CSMD1: variants seen among roughly 807,000 people sequenced by gnomAD.
CSMD1 encodes the protein CUB and Sushi multiple domains 1.
In CSMD1, 213 loss-of-function variants were observed where a neutral mutation model predicts 417.5. That is an observed-to-expected ratio of 0.51 (90% CI 0.46 to 0.57). CSMD1 has a LOEUF of 0.57. CSMD1 is among the 20% of genes least tolerant of loss of function. The pLI is 0.00. For synonymous variants in CSMD1, 2,862 were observed against 1,736.8 expected (o/e 1.65, Z -16.11); for missense variants, 6,923 against 4,529.7 (o/e 1.53, Z -15.17).
At chr8:4,495,270 G>C (rs1045833626) in intron 2 of CSMD1, among the ~76,000 whole-genome samples, 1 of 152,158 alleles carries the variant, frequency 6.6e-6, no homozygotes, top group Non-Finnish European at 1.5e-5. Context: ...TCATAAAAAT[G>C]TGACTAATAC....
At chr8:3,344,315 C>G (rs1338252125) in intron 22 of CSMD1, among the ~76,000 whole-genome samples, 1 of 152,160 alleles carries the variant, frequency 6.6e-6, no homozygotes, top group Non-Finnish European at 1.5e-5. Flanking sequence ...ACAGCACTGA[C>G]TTTCTAGTAG....
At chr8:4,353,374 C>G (rs1801210890) in intron 3 of CSMD1, among the ~76,000 whole-genome samples, 1 of 152,120 alleles carries the variant, frequency 6.6e-6, no homozygotes, top group African/African-American at 2.4e-5. Context: ...ATTGTGAGGC[C>G]TCCCCAGCCG....
At chr8:4,551,382 TCTC>T (rs1730360522) in intron 2 of CSMD1, among the ~76,000 whole-genome samples, 1 of 152,102 alleles carries the variant, frequency 6.6e-6, no homozygotes, top group Non-Finnish European at 1.5e-5. Context: ...TACCCTTAAT[TCTC>T]CTCCCCACCA....
chr8:4,044,038 C>T (rs1039772916), intron 3 of CSMD1, among the ~76,000 whole-genome samples: 1 of 151,874 alleles, frequency 6.6e-6, no homozygotes, highest in South Asian at 2.1e-4. Context: ...AAAAAAAACG[C>T]TGAATAATTA....
intron 7 of CSMD1, among the ~76,000 whole-genome samples, chr8:3,636,952 G>A (rs566264596): frequency 2.6e-5 from 4 of 152,164 alleles, no homozygotes; most frequent in Middle Eastern, 3.4e-3. Flanking sequence ...TTGAGATGAT[G>A]GATTGCTATA....
At position 4,041,088 on chromosome 8, in the gene CSMD1, C is replaced by T. The variant is rs892760383; in HGVS notation, c.416-8989G>A. On this transcript the variant is annotated intron_variant, in intron 3 of 69. Coordinates refer to ENST00000635120, the MANE Select transcript of CSMD1 (RefSeq NM_033225.6). ...CTGGAGTGCAGTGGCGCGATCTCGG[C>T]TCACTGCAAGCTCCGCCTCCCGGGT... is the stretch of plus-strand genomic sequence containing the variant. Among the ~76,000 whole-genome samples the T allele has an allele frequency of 2.8e-5, 4 of 141,820 alleles. No homozygotes were observed. The South Asian group carries it at 6.7e-4, about 24-fold the overall frequency. The allele number at this position is 141,820 out of a possible 152,430, so 93.0% of individuals were successfully genotyped here.
intron 26 of CSMD1, among the ~76,000 whole-genome samples, chr8:3,244,649 T>C (rs1008093330): frequency 6.6e-6 from 1 of 152,188 alleles, no homozygotes; most frequent in Non-Finnish European, 1.5e-5. Context: ...GGGGGCAGCT[T>C]TGATTCAGCC....
At chr8:3,310,892 A>G (rs540524951) in intron 23 of CSMD1, among the ~76,000 whole-genome samples, 2 of 151,940 alleles carry the variant, frequency 1.3e-5, no homozygotes, top group African/African-American at 2.4e-5. Flanking sequence ...AGTTTTAAAA[A>G]AAGTTTTTAA....
intron 1 of CSMD1, among the ~76,000 whole-genome samples, chr8:4,911,636 T>A (rs1805677858): frequency 6.6e-6 from 1 of 152,214 alleles, no homozygotes. Context: ...GAAATGTTCA[T>A]ATAATTTACA....
At chr8:4,026,370 A>G (rs1797065538) in intron 4 of CSMD1, among the ~76,000 whole-genome samples, 1 of 152,226 alleles carries the variant, frequency 6.6e-6, no homozygotes, top group Admixed American at 6.5e-5. Flanking sequence ...CCTGTGATAA[A>G]AGCACACTGA....
At chr8:3,097,490 G>T (rs188635554) in intron 46 of CSMD1, among the ~76,000 whole-genome samples, 13 of 152,266 alleles carry the variant, frequency 8.5e-5, no homozygotes, top group African/African-American at 3.1e-4. Context: ...CATTCCAAGA[G>T]CCCTAGTGAT....
chr8:4,732,346 T>TGC (rs1415692962), intron 1 of CSMD1, among the ~76,000 whole-genome samples: 1 of 143,228 alleles, frequency 7.0e-6, no homozygotes, highest in African/African-American at 2.6e-5. Context: ...TTCTTCTGCG[T>TGC]GTGTGTGTGT....
chr8:4,453,822 T>G (rs1182945906), intron 2 of CSMD1, among the ~76,000 whole-genome samples: 3 of 125,220 alleles, frequency 2.4e-5, no homozygotes, highest in African/African-American at 9.4e-5. Context: ...TTCTTTTTTT[T>G]TTTTTTTTTT....
chr8:3,218,567 A>G (rs1186031462), intron 29 of CSMD1, among the ~76,000 whole-genome samples: 1 of 143,588 alleles, frequency 7.0e-6, no homozygotes, highest in Non-Finnish European at 1.5e-5. Context: ...TCTCAAAAAT[A>G]AAAAAAAAAA....
In CSMD1 at chr8:4,890,450, G is replaced by T. The variant is rs1447339262; in HGVS notation, c.85+103882C>A. Among the ~76,000 whole-genome samples the T allele has an allele frequency of 3.4e-5, 5 of 148,390 alleles. No individual in the cohort carries two copies. The East Asian group carries it at 1.0e-3, about 30-fold the overall frequency. The stretch of plus-strand genomic sequence containing the variant: ...CGACACCCTCCCGCAGGACAGGTGA[G>T]AACGTGACTCTGACACCCTCTTCTG... On this transcript the variant is annotated intron_variant, in intron 1 of 69. Transcript: ENST00000635120.
At chr8:4,745,083 C>T (rs545070423) in intron 1 of CSMD1, among the ~76,000 whole-genome samples, 6 of 152,034 alleles carry the variant, frequency 3.9e-5, no homozygotes, top group East Asian at 3.9e-4. Context: ...AATAAAATCT[C>T]GAGAAATGCG....
chr8:4,757,721 G>T (rs941871755), intron 1 of CSMD1, among the ~76,000 whole-genome samples: 2 of 152,072 alleles, frequency 1.3e-5, no homozygotes, highest in Non-Finnish European at 2.9e-5. Flanking sequence ...CACTTTGGGA[G>T]GGTGAGGCAA....
chr8:3,344,266 T>A (rs1037369117), intron 22 of CSMD1, among the ~76,000 whole-genome samples: 2 of 152,134 alleles, frequency 1.3e-5, no homozygotes, highest in African/African-American at 4.8e-5. Flanking sequence ...TTAGGACCCA[T>A]GCACTTTCTG....
intron 5 of CSMD1, among the ~76,000 whole-genome samples, chr8:3,883,437 T>C (rs1304448350): frequency 6.6e-6 from 1 of 152,160 alleles, no homozygotes. Flanking sequence ...TGTATGTTTG[T>C]GTATATATGT....
Sources: allele counts gnomAD v4.1 joint callset (sites outside exome capture counted in the v4.1 genomes callset), GRCh38; gene constraint gnomAD v4.1.1; transcripts MANE v1.5; gene names NCBI Gene and HGNC (gene_info 2026-07-23, HGNC 2026-07-21).